The following RAB7A variants were observed in gnomAD, a reference collection of about 807,000 sequenced individuals.
RAB7A encodes RAB7A, member RAS oncogene family.
In RAB7A, 2 loss-of-function variants were observed where a neutral mutation model predicts 24.5. The ratio of observed to expected loss-of-function variants is 0.08; its 90% CI spans 0.03 to 0.26. The LOEUF (loss-of-function observed/expected upper bound fraction) is 0.26, where lower values mean the gene tolerates loss of function less well. Ranked by LOEUF, RAB7A falls within the 10% of genes least tolerant of loss-of-function variation. The pLI is 1.00. For missense variants in RAB7A, 118 were observed against 255.7 expected, an observed-to-expected ratio of 0.46 and a Z score of 3.67; for synonymous variants, 100 against 95.9, an observed-to-expected ratio of 1.04 and a Z score of -0.25.
chr3:128,764,493 G>C (rs1179235965), intron 1 of RAB7A: 1 of 787,732 alleles, frequency 1.3e-6, no homozygotes. Flanking sequence ...TGTCTCCCAG[G>C]GTGTTCTTGT....
chr3:128,773,842 C>T (rs572044608), intron 1 of RAB7A, among the ~76,000 whole-genome samples: 136 of 152,060 alleles, frequency 8.9e-4, no homozygotes, highest in Admixed American at 3.5e-3. Flanking sequence ...GGATTAAGGG[C>T]GGTGCAAGAT....
At chr3:128,771,361 C>T (rs1481536895) in intron 1 of RAB7A, among the ~76,000 whole-genome samples, 5 of 152,112 alleles carry the variant, frequency 3.3e-5, no homozygotes, top group South Asian at 4.1e-4. Context: ...TCTGTAATTG[C>T]GCTGGCTAAA....
At chr3:128,777,268 G>A (rs1411180360) in intron 1 of RAB7A, among the ~76,000 whole-genome samples, 2 of 151,904 alleles carry the variant, frequency 1.3e-5, no homozygotes, top group African/African-American at 2.4e-5. Flanking sequence ...ATCACTGCTC[G>A]CTACAGCCTT....
At chr3:128,766,139 C>T (rs1046953807) in intron 1 of RAB7A, among the ~76,000 whole-genome samples, 1 of 152,130 alleles carries the variant, frequency 6.6e-6, no homozygotes, top group African/African-American at 2.4e-5. Context: ...AACATTCAGA[C>T]CAGAGCAGCC....
At chr3:128,760,219 A>C (rs561008255) in intron 1 of RAB7A, among the ~76,000 whole-genome samples, 3 of 152,230 alleles carry the variant, frequency 2.0e-5, no homozygotes, top group Admixed American at 1.3e-4. Context: ...TCTCCGCCTG[A>C]CCGTGCTTGA....
At chr3:128,759,898 C>A (rs760507765) in intron 1 of RAB7A, among the ~76,000 whole-genome samples, 1 of 152,006 alleles carries the variant, frequency 6.6e-6, no homozygotes, top group Admixed American at 6.6e-5. Context: ...TTAGTAGAGA[C>A]GGGGTTTCTC....
chr3:128,726,979 C>G (rs2107579260), intron 1 of RAB7A, among the ~76,000 whole-genome samples: 1 of 152,264 alleles, frequency 6.6e-6, no homozygotes, highest in Non-Finnish European at 1.5e-5. Context: ...TACGGTAAAT[C>G]CTGAGAGAAG....
At chr3:128,792,714 T>TC (rs1933483096) in intron 1 of RAB7A, among the ~76,000 whole-genome samples, 1 of 151,882 alleles carries the variant, frequency 6.6e-6, no homozygotes, top group African/African-American at 2.4e-5. Context: ...AGCCTTTTTT[T>TC]CCCTTCCCCA....
intron 1 of RAB7A, among the ~76,000 whole-genome samples, chr3:128,756,840 CTA>C (rs1227821545): frequency 6.6e-6 from 1 of 150,384 alleles, no homozygotes; most frequent in Non-Finnish European, 1.5e-5. Context: ...TTAGTATTCG[CTA>C]TCTTTTTTTT....
chr3:128,730,535 T>A (rs1176586444), intron 1 of RAB7A, among the ~76,000 whole-genome samples: 2 of 152,208 alleles, frequency 1.3e-5, no homozygotes, highest in Non-Finnish European at 2.9e-5. Flanking sequence ...GCCTAAAACT[T>A]ATTTTTAAAA....
At chr3:128,783,684 C>T (rs1215115220) in intron 1 of RAB7A, among the ~76,000 whole-genome samples, 1 of 152,134 alleles carries the variant, frequency 6.6e-6, no homozygotes, top group African/African-American at 2.4e-5. Flanking sequence ...TAACTTACTG[C>T]GCCACCCCCC....
At chr3:128,778,974 T>C (rs1262748511) in intron 1 of RAB7A, among the ~76,000 whole-genome samples, 1 of 152,250 alleles carries the variant, frequency 6.6e-6, no homozygotes, top group African/African-American at 2.4e-5. Flanking sequence ...TGCATGATTT[T>C]GCAGCTAGAA....
intron 1 of RAB7A, among the ~76,000 whole-genome samples, chr3:128,770,967 T>C (rs940029988): frequency 2.6e-5 from 4 of 151,394 alleles, no homozygotes; most frequent in African/African-American, 9.7e-5. Flanking sequence ...AGAAAGGGAA[T>C]GTGACTTTTT....
intron 1 of RAB7A, among the ~76,000 whole-genome samples, chr3:128,774,461 C>CTT (rs1467944827): frequency 6.9e-6 from 1 of 145,918 alleles, no homozygotes. Context: ...GCTCTTGGAT[C>CTT]TTTTTTTTTT....
At chr3:128,772,381 A>G (rs1296030158) in intron 1 of RAB7A, among the ~76,000 whole-genome samples, 1 of 152,220 alleles carries the variant, frequency 6.6e-6, no homozygotes, top group African/African-American at 2.4e-5. Context: ...AAATTTGTTT[A>G]CAGAATGTGA....
At chr3:128,756,071 C>G (rs985902921) in intron 1 of RAB7A, among the ~76,000 whole-genome samples, 1 of 152,236 alleles carries the variant, frequency 6.6e-6, no homozygotes, top group African/African-American at 2.4e-5. Context: ...GGCACAGTGG[C>G]TCATGCCTGT....
At chr3:128,729,606 C>T (rs913822505) in intron 1 of RAB7A, among the ~76,000 whole-genome samples, 9 of 151,014 alleles carry the variant, frequency 6.0e-5, no homozygotes, top group Admixed American at 1.3e-4. Flanking sequence ...AAGGGATCTT[C>T]ACTAATAACG....
At chr3:128,800,678 CA>C (rs1933679198) in intron 3 of RAB7A, among the ~76,000 whole-genome samples, 2 of 152,182 alleles carry the variant, frequency 1.3e-5, no homozygotes, top group South Asian at 4.1e-4. Context: ...TTGGCAGTAG[CA>C]GCAGAGCCCA....
At position 128,795,399 on chromosome 3, in the gene RAB7A, T is replaced by C; in HGVS notation, c.32T>C (p.Val11Ala). The part of the protein sequence containing the change: MTSRKKVLLK[V>A]IILGDSGVGK... The stretch of plus-strand genomic sequence containing the variant: ...TCTAGGAAGAAAGTGTTGCTGAAGG[T>C]TATCATCCTGGGAGATTCTGGGTAA... The change falls in exon 2 of 6, where the codon GTT becomes GCT. Residue 11 changes from valine (V) to alanine (A), a missense_variant. By Grantham distance (64) the Val-to-Ala change is moderately conservative. Transcript: ENST00000265062. 1 of 1,613,446 alleles carries C rather than the reference T, an allele frequency of 6.2e-7. No individual in the cohort carries two copies. Among genetic ancestry groups the C allele is most frequent in the Non-Finnish European group, 8.5e-7 (1 of 1,179,374 alleles).
Sources: gnomAD v4.1 joint callset for allele counts (sites outside exome capture counted in the v4.1 genomes callset) on GRCh38, gnomAD v4.1.1 for gene constraint, MANE v1.5 for transcripts, NCBI Gene and HGNC (gene_info 2026-07-23, HGNC 2026-07-21) for gene names.